The following POGZ variants were observed in gnomAD, a reference collection of about 807,000 sequenced individuals.
The protein encoded by POGZ is pogo transposable element with ZNF domain.
In POGZ, 17 loss-of-function variants were observed where a neutral mutation model predicts 134.6. The ratio of observed to expected loss-of-function variants is 0.13; its 90% CI spans 0.09 to 0.19. The LOEUF is 0.19. Ranked by LOEUF, POGZ falls within the 10% of genes least tolerant of loss-of-function variation. The pLI is 1.00. For missense variants in POGZ, 1,306 were observed against 1,769.7 expected (o/e 0.74, Z 4.70); for synonymous variants, 693 against 657.1 (o/e 1.05, Z -0.84).
intron 3 of POGZ, among the ~76,000 whole-genome samples, chr1:151,433,426 G>A (rs538205719): frequency 2.6e-5 from 4 of 151,858 alleles, no homozygotes; most frequent in South Asian, 4.2e-4. Context: ...TGACCAACAC[G>A]GAGAAATCCC....
rs1653190569 is a variant in POGZ at position 151,404,300 on chromosome 1, G to C, written c.*502C>G. On this transcript the variant is annotated 3_prime_UTR_variant, in exon 19 of 19. Transcript: ENST00000271715. ...ATCCATATATATAATAAACCAGTTTGTGAGCTACATAATTTGTCTTTCCCA... is the reference window on the plus strand; with the variant it reads ...ATCCATATATATAATAAACCAGTTTCTGAGCTACATAATTTGTCTTTCCCA... 1.0e-6 allele frequency: 1 copy of C among 984,338 alleles called. No homozygotes were observed. The highest frequency in any genetic ancestry group is 1.2e-6 in the Non-Finnish European group (1 of 828,610). The allele number at this position is 984,338 out of a possible 1,614,324, so 61.0% of individuals were successfully genotyped here. A position where few individuals can be genotyped will look rare whatever the true frequency, so the allele number is the denominator to read the frequency against.
chr1:151,414,704 G>A (rs1258553391), intron 10 of POGZ, among the ~76,000 whole-genome samples: 1 of 152,122 alleles, frequency 6.6e-6, no homozygotes, highest in Non-Finnish European at 1.5e-5. Flanking sequence ...ATCGCTTGAA[G>A]CTGGGAGGCA....
At chr1:151,440,004 C>T (rs1184856029) in intron 3 of POGZ, among the ~76,000 whole-genome samples, 2 of 152,006 alleles carry the variant, frequency 1.3e-5, no homozygotes, top group African/African-American at 4.8e-5. Context: ...AAGATATTCA[C>T]TATTAAGGGG....
intron 1 of POGZ, among the ~76,000 whole-genome samples, chr1:151,449,446 C>T (rs986171962): frequency 6.6e-6 from 1 of 151,984 alleles, no homozygotes; most frequent in African/African-American, 2.4e-5. Flanking sequence ...TCCTACAATG[C>T]ATAGGATAGC....
Position 151,403,333 on chromosome 1 carries a change from C to T in POGZ, c.*1469G>A, listed in dbSNP as rs1653033029. The T allele has an allele frequency of 1.0e-6, 1 of 985,416 alleles. No homozygotes were observed. 61.0% of individuals were successfully genotyped at this position (985,416 alleles called of 1,614,324 possible). On this transcript the variant is annotated 3_prime_UTR_variant, in exon 19 of 19. Transcript: ENST00000271715. ...GTGAAAGCCTATTAAACAGGGTCAC[C>T]TAGAAAAAAAACAAGTTTATAAATC...
chr1:151,423,696 A>T, intron 9 of POGZ, 145 bp from the exon 10 acceptor site: 1 of 725,334 alleles, frequency 1.4e-6, no homozygotes, highest in Non-Finnish European at 2.2e-6. Flanking sequence ...TTCTGAGCCC[A>T]GAAAGATAAT....
At chr1:151,430,561 G>T in intron 4 of POGZ, 105 bp downstream of exon 4, 1 of 820,046 alleles carries the variant, frequency 1.2e-6, no homozygotes, top group Non-Finnish European at 1.9e-6. Context: ...CAAAAGACAA[G>T]ACTTAGAACC....
In POGZ at chr1:151,404,222, T is replaced by C. The variant is rs1348322616; in HGVS notation, c.*580A>G. 1.0e-6 allele frequency: 1 copy of C among 985,524 alleles called. No individual in the cohort carries two copies. 61.0% of individuals were successfully genotyped at this position (985,524 alleles called of 1,614,324 possible). A position where few individuals can be genotyped will look rare whatever the true frequency, so the allele number is the denominator to read the frequency against. On this transcript the variant is annotated 3_prime_UTR_variant, in exon 19 of 19. Transcript: ENST00000271715. Reference sequence around the variant, plus strand: ...AGAGAGAGTTCAGTGGGACTTTTTTTCCATTTTCATTTTTATATAAAAGTG... The same window carrying C: ...AGAGAGAGTTCAGTGGGACTTTTTTCCCATTTTCATTTTTATATAAAAGTG...
At chr1:151,441,290 C>A (rs892674597) in intron 2 of POGZ, among the ~76,000 whole-genome samples, 1 of 152,214 alleles carries the variant, frequency 6.6e-6, no homozygotes, top group African/African-American at 2.4e-5. Context: ...CGTCTCACAT[C>A]TCCTGGTTAA....
chr1:151,404,697 A>C lies in POGZ; in HGVS notation c.*105T>G. The C allele has an allele frequency of 6.9e-7, 1 of 1,439,102 alleles. No homozygotes were observed. The highest frequency in any genetic ancestry group is 1.6e-5 in the South Asian group (1 of 64,270). The allele number at this position is 1,439,102 out of a possible 1,614,324, so 89.1% of individuals were successfully genotyped here. ...GGGAGTGGTGGTATAAAATTAAAAA[A>C]TAGAAACCAAATACCCCACCTGGTA... On this transcript the variant is annotated 3_prime_UTR_variant, in exon 19 of 19. Coordinates refer to ENST00000271715, the MANE Select transcript of POGZ (RefSeq NM_015100.4).
chr1:151,403,985 G>A lies in POGZ; in HGVS notation c.*817C>T, dbSNP rs1231498904. ...TGATCCTTTGTCCAGAGGGATGGAT[G>A]GTGTTGAGAATGGGGAAAGGGGCCA... On this transcript the variant is annotated 3_prime_UTR_variant, in exon 19 of 19. Coordinates refer to ENST00000271715, the MANE Select transcript of POGZ (RefSeq NM_015100.4). The A allele has an allele frequency of 6.1e-6, 6 of 985,204 alleles. No homozygotes were observed. Among genetic ancestry groups the A allele is most frequent in the African/African-American group, 5.2e-5 (3 of 57,220 alleles). The allele number at this position is 985,204 out of a possible 1,614,324, so 61.0% of individuals were successfully genotyped here. A position where few individuals can be genotyped will look rare whatever the true frequency, so the allele number is the denominator to read the frequency against.
intron 2 of POGZ, 35 bp from the exon 3 acceptor site, chr1:151,441,121 A>C (rs1208135978): frequency 1.3e-6 from 2 of 1,586,132 alleles, no homozygotes; most frequent in African/African-American, 1.3e-5. Flanking sequence ...ACTTGGAGAC[A>C]GGGACAGATG....
In POGZ at chr1:151,423,517, C is replaced by A; in HGVS notation, c.1558G>T (p.Asp520Tyr). ...MNHMKHHVEL[D>Y]QQNGEVDGHT... ...CCATCTACCTCACCGTTCTGCTGAT[C>A]GAGTTCTACGTGGTGTTTCATATGG... The change falls in exon 10 of 19, where the codon GAT becomes TAT. Residue 520 changes from aspartate (D) to tyrosine (Y), a missense_variant. Around this residue, in one of 10 missense-constraint regions of POGZ, gnomAD observed 541 missense variants for 680.5 expected, o/e 0.80. Transcript: ENST00000271715. The A allele has an allele frequency of 6.2e-7, 1 of 1,613,770 alleles. No individual in the cohort carries two copies. Among genetic ancestry groups the A allele is most frequent in the Non-Finnish European group, 8.5e-7 (1 of 1,179,758 alleles).
chr1:151,458,811 G>A (rs1663122385), intron 1 of POGZ, among the ~76,000 whole-genome samples: 1 of 145,386 alleles, frequency 6.9e-6, no homozygotes, highest in Admixed American at 6.8e-5. Context: ...GGGCGCGAGT[G>A]CGCGCGCGCG....
intron 6 of POGZ, 31 bp downstream of exon 6, chr1:151,428,092 G>C: frequency 6.2e-7 from 1 of 1,613,308 alleles, no homozygotes; most frequent in East Asian, 2.2e-5. Context: ...ATCCCAACCT[G>C]GCTCTGCCAT....
chr1:151,451,699 C>T (rs780593120), intron 1 of POGZ, among the ~76,000 whole-genome samples: 1 of 151,842 alleles, frequency 6.6e-6, no homozygotes, highest in Non-Finnish European at 1.5e-5. Context: ...AGTATCACCA[C>T]AAAGAAATAA....
chr1:151,419,349 G>A (rs1202135240), intron 10 of POGZ, among the ~76,000 whole-genome samples: 4 of 151,418 alleles, frequency 2.6e-5, no homozygotes, highest in African/African-American at 7.3e-5. Flanking sequence ...GTGACAGAGC[G>A]ATTGTCTCCC....
chr1:151,432,874 T>A (rs578120521), intron 3 of POGZ, among the ~76,000 whole-genome samples: 3 of 152,344 alleles, frequency 2.0e-5, no homozygotes, highest in Admixed American at 6.5e-5. Flanking sequence ...TTGTATTTTT[T>A]AAGTAATTTG....
At chr1:151,416,042 C>T (rs796631244) in intron 10 of POGZ, among the ~76,000 whole-genome samples, 5 of 150,934 alleles carry the variant, frequency 3.3e-5, no homozygotes, top group Admixed American at 2.6e-4. Context: ...GGCGAAACCC[C>T]GCCTCTAATA....
Sources: gnomAD v4.1 joint callset for allele counts (sites outside exome capture counted in the v4.1 genomes callset) on GRCh38, gnomAD v4.1.1 for gene constraint, gnomAD v4.1.1 regional missense constraint, MANE v1.5 for transcripts, NCBI Gene and HGNC (gene_info 2026-07-23, HGNC 2026-07-21) for gene names.